The following SEL1L3 variants were observed in gnomAD, a reference collection of about 807,000 sequenced individuals.
SEL1L3 encodes the protein protein sel-1 homolog 3.
A neutral mutation model predicts 142.8 loss-of-function variants in SEL1L3; 76 were observed. The observed-to-expected ratio is 0.53, with a 90% confidence interval of 0.44 to 0.64. SEL1L3 has a LOEUF of 0.64. Among genes scored for constraint, SEL1L3 ranks in the 30% least tolerant of loss-of-function variants. The pLI, the probability that SEL1L3 is intolerant of heterozygous loss-of-function variation, is 0.00. For synonymous variants in SEL1L3, 504 were observed against 519.6 expected (o/e 0.97, Z 0.41); for missense variants, 1,262 against 1,381.7 (o/e 0.91, Z 1.37).
At chr4:25,851,257 C>T (rs1716873115) in intron 1 of SEL1L3, among the ~76,000 whole-genome samples, 1 of 152,168 alleles carries the variant, frequency 6.6e-6, no homozygotes, top group South Asian at 2.1e-4. Context: ...AGTTAGTCAA[C>T]AATCAATCAT....
chr4:25,767,219 A>G (rs1718805291), intron 19 of SEL1L3, among the ~76,000 whole-genome samples: 1 of 152,164 alleles, frequency 6.6e-6, no homozygotes, highest in South Asian at 2.1e-4. Flanking sequence ...TGGGAGGTGG[A>G]GGTTGCACTG....
At chr4:25,754,234 G>A (rs894933412) in intron 23 of SEL1L3, among the ~76,000 whole-genome samples, 4 of 151,498 alleles carry the variant, frequency 2.6e-5, no homozygotes, top group African/African-American at 4.8e-5. Context: ...CCCAGGAGGT[G>A]GAGGTTGTGG....
At chr4:25,792,033 C>T (rs1560304602) in intron 11 of SEL1L3, among the ~76,000 whole-genome samples, 1 of 151,818 alleles carries the variant, frequency 6.6e-6, no homozygotes, top group African/African-American at 2.4e-5. Flanking sequence ...CAGGGGGACT[C>T]GGGGGCTGAG....
the SEL1L3 span, among the ~76,000 whole-genome samples, chr4:25,738,041 C>T: frequency 1.4e-3 from 206 of 152,194 alleles, 1 homozygote; most frequent in African/African-American, 2.4e-3. Context: ...AGTTACGTGC[C>T]GCCACACCTG....
chr4:25,834,431 A>C (rs1715655199), intron 3 of SEL1L3, among the ~76,000 whole-genome samples: 1 of 152,182 alleles, frequency 6.6e-6, no homozygotes, highest in Non-Finnish European at 1.5e-5. Context: ...ATTTCTCTTC[A>C]TTTACCCCAG....
the SEL1L3 span, chr4:25,720,370 G>T: frequency 6.6e-6 from 1 of 152,202 alleles, no homozygotes; most frequent in African/African-American, 2.4e-5. Flanking sequence ...ATTAAGTTGT[G>T]GGATCCACAA....
At chr4:25,727,972 G>GA in the SEL1L3 span, among the ~76,000 whole-genome samples, 1 of 152,182 alleles carries the variant, frequency 6.6e-6, no homozygotes, top group Non-Finnish European at 1.5e-5. Flanking sequence ...CACAGGAGGT[G>GA]ACATGAAATA....
Position 25,835,435 on chromosome 4 carries a change from T to A in SEL1L3, c.734-112A>T, listed in dbSNP as rs559754118. The A allele has an allele frequency of 1.2e-5, 14 of 1,163,236 alleles. 1 individual carries two copies. In the South Asian group the frequency reaches 1.9e-4, roughly 16 times the overall value. The allele number at this position is 1,163,236 out of a possible 1,614,324, so 72.1% of individuals were successfully genotyped here. ...GCTCCAATCAAACATTTAAGTGAGA[T>A]ACCCTAAAAATATTAGCAAACATCT... On this transcript the variant is annotated intron_variant, in intron 2 of 23. Coordinates refer to ENST00000399878, the MANE Select transcript of SEL1L3 (RefSeq NM_015187.5).
In SEL1L3 at chr4:25,757,772, G is replaced by C; in HGVS notation, c.3102C>G (p.Asn1034Lys). 1.3e-6 allele frequency: 2 copies of C among 1,583,836 alleles called. No homozygotes were observed. Among genetic ancestry groups the C allele is most frequent in the Non-Finnish European group, 1.7e-6 (2 of 1,165,530 alleles). ...AGGAGCAGGGGCTGAAGGACTCCTC[G>C]TTACTGTGGCTCCAGCACCTGCAGA... ...ELYERCWSHS[N>K]EESFSPCSLA... is the part of the protein sequence containing the mutation. The change falls in exon 22 of 24, where the codon AAC (asparagine) becomes AAG (lysine). Residue 1034 changes from asparagine to lysine, a missense_variant. By Grantham distance (94) the Asn-to-Lys change is moderately conservative. This residue lies in a region of SEL1L3 where 138 missense variants were observed against 129.7 expected (regional missense o/e 1.06). Transcript: ENST00000399878.
intron 6 of SEL1L3, 116 bp downstream of exon 6, chr4:25,829,982 G>T: frequency 1.4e-6 from 1 of 703,432 alleles, no homozygotes; most frequent in Non-Finnish European, 2.5e-6. Flanking sequence ...AATAATCCAT[G>T]CTTGGAAAAG....
chr4:25,729,685 G>T, the SEL1L3 span, among the ~76,000 whole-genome samples: 2 of 152,150 alleles, frequency 1.3e-5, no homozygotes, highest in Admixed American at 1.3e-4. Context: ...CTGCACTTCA[G>T]CCTGGATGAC....
chr4:25,819,689 C>T, intron 8 of SEL1L3, 119 bp downstream of exon 8: 1 of 887,462 alleles, frequency 1.1e-6, no homozygotes, highest in South Asian at 1.9e-5. Context: ...ACACTTGTCC[C>T]ATCTGGTATC....
chr4:25,839,188 G>T (rs1716017516), intron 2 of SEL1L3, among the ~76,000 whole-genome samples: 1 of 152,196 alleles, frequency 6.6e-6, no homozygotes, highest in South Asian at 2.1e-4. Context: ...TTTCTTTAAA[G>T]CCAAAGTCTG....
intron 1 of SEL1L3, among the ~76,000 whole-genome samples, chr4:25,858,692 T>A (rs1391631105): frequency 1.3e-5 from 2 of 152,122 alleles, no homozygotes; most frequent in Non-Finnish European, 2.9e-5. Flanking sequence ...TTCAAGCAAT[T>A]CTCCTGTCTC....
In SEL1L3 at chr4:25,847,393, C is replaced by G. The variant is rs1019039682; in HGVS notation, c.634G>C (p.Glu212Gln). 1 of 1,613,980 alleles carries G rather than the reference C, an allele frequency of 6.2e-7. No individual in the cohort carries two copies. Among genetic ancestry groups the G allele is most frequent in the Admixed American group, 1.7e-5 (1 of 60,018 alleles). Residue 212 changes from glutamate (E) to glutamine (Q), a missense_variant, in exon 2 of 24, where the codon GAA becomes CAA. Physicochemically the swap from Glu to Gln is conservative, Grantham distance 29 (BLOSUM62 2). This residue lies in a region of SEL1L3 where 689 missense variants were observed against 692.8 expected (regional missense o/e 0.99). Coordinates refer to ENST00000399878, the MANE Select transcript of SEL1L3 (RefSeq NM_015187.5). ...ACTTGATGATCTTTGAAAGGGCGTT[C>G]AAAAGGCGGGATGGTCTGCAGGAGG... Reference protein sequence around the residue: ...YTLLQTIPPFERPFKDHQVCL... With the variant: ...YTLLQTIPPFQRPFKDHQVCL...
intron 23 of SEL1L3, among the ~76,000 whole-genome samples, chr4:25,755,004 CAATCACTGTTTT>C (rs1239915267): frequency 1.3e-5 from 2 of 152,136 alleles, no homozygotes; most frequent in East Asian, 3.8e-4. Context: ...AGGCAGATGA[CAATCACTGTTTT>C]AAAGTATTGT....
At chr4:25,805,080 G>A (rs921139914) in intron 9 of SEL1L3, among the ~76,000 whole-genome samples, 2 of 152,106 alleles carry the variant, frequency 1.3e-5, no homozygotes, top group Non-Finnish European at 2.9e-5. Flanking sequence ...ACTTCCAGAG[G>A]GACCTTTTCC....
At chr4:25,794,046 A>T (rs1034947471) in intron 11 of SEL1L3, among the ~76,000 whole-genome samples, 10 of 152,234 alleles carry the variant, frequency 6.6e-5, no homozygotes. Context: ...AAATACTTAA[A>T]TGTAAAACCC....
intron 13 of SEL1L3, among the ~76,000 whole-genome samples, chr4:25,785,959 A>T (rs1314553772): frequency 6.6e-6 from 1 of 152,178 alleles, no homozygotes; most frequent in Non-Finnish European, 1.5e-5. Flanking sequence ...TATTGAGTCA[A>T]AAGTGGGATG....
Sources: gnomAD v4.1 joint callset for allele counts (sites outside exome capture counted in the v4.1 genomes callset) on GRCh38, gnomAD v4.1.1 for gene constraint, gnomAD v4.1.1 regional missense constraint, MANE v1.5 for transcripts, NCBI Gene and HGNC (gene_info 2026-07-23, HGNC 2026-07-21) for gene names.